The following CNTLN variants were observed in gnomAD, a reference collection of about 807,000 sequenced individuals.
CNTLN encodes centlein.
In CNTLN, 212 loss-of-function variants were observed where a neutral mutation model predicts 180.0. The observed-to-expected ratio is 1.18, with a 90% CI of 1.05 to 1.32. CNTLN has a LOEUF of 1.32. Ranked by LOEUF, CNTLN falls within the 40% of genes most tolerant of loss-of-function variation. CNTLN has a pLI of 0.00. For synonymous variants in CNTLN, 722 were observed against 563.1 expected (o/e 1.28, Z -3.99); for missense variants, 2,095 against 1,610.9 (o/e 1.30, Z -5.14).
At chr9:17,402,183 G>C (rs1827032586) in intron 15 of CNTLN, among the ~76,000 whole-genome samples, 1 of 151,810 alleles carries the variant, frequency 6.6e-6, no homozygotes, top group South Asian at 2.1e-4. Flanking sequence ...ACTGGGAAGA[G>C]GCTGCAGCAG....
At chr9:17,356,495 CT>C (rs1343658359) in intron 12 of CNTLN, among the ~76,000 whole-genome samples, 3 of 152,160 alleles carry the variant, frequency 2.0e-5, no homozygotes, top group African/African-American at 7.2e-5. Flanking sequence ...TATAGATAGG[CT>C]TTGAGCAGTG....
At chr9:17,235,317 A>T (rs1249957957) in intron 3 of CNTLN, among the ~76,000 whole-genome samples, 1 of 152,166 alleles carries the variant, frequency 6.6e-6, no homozygotes, top group Non-Finnish European at 1.5e-5. Context: ...AAGAATAAGG[A>T]ATTATGTTAG....
chr9:17,384,950 C>G (rs1245420401), intron 13 of CNTLN, among the ~76,000 whole-genome samples: 1 of 152,220 alleles, frequency 6.6e-6, no homozygotes, highest in Non-Finnish European at 1.5e-5. Context: ...TCCCACAGGA[C>G]TGCCTCCATT....
At chr9:17,259,313 C>G (rs1391687489) in intron 5 of CNTLN, among the ~76,000 whole-genome samples, 1 of 140,576 alleles carries the variant, frequency 7.1e-6, no homozygotes, top group Admixed American at 7.0e-5. Flanking sequence ...CCTTGCATCC[C>G]AGGGATGAAG....
At chr9:17,251,054 C>A (rs899101261) in intron 5 of CNTLN, among the ~76,000 whole-genome samples, 1 of 151,764 alleles carries the variant, frequency 6.6e-6, no homozygotes, top group African/African-American at 2.4e-5. Flanking sequence ...TTCCTTATTA[C>A]GTTAAATATG....
intron 13 of CNTLN, among the ~76,000 whole-genome samples, chr9:17,380,957 C>T (rs1825198427): frequency 6.6e-6 from 1 of 152,192 alleles, no homozygotes. Context: ...TGAAGAGCTT[C>T]TTTTGCCTAT....
chr9:17,302,111 C>T, intron 7 of CNTLN: 4 of 756,022 alleles, frequency 5.3e-6, no homozygotes, highest in Non-Finnish European at 4.6e-6. Context: ...CACACACACA[C>T]ACACACACAG....
At chr9:17,274,206 A>G (rs1448690608) in intron 6 of CNTLN, among the ~76,000 whole-genome samples, 1 of 152,122 alleles carries the variant, frequency 6.6e-6, no homozygotes, top group African/African-American at 2.4e-5. Flanking sequence ...TAACTGAGAA[A>G]CAAATTTTGA....
chr9:17,209,996 A>G (rs1823179635), intron 2 of CNTLN, among the ~76,000 whole-genome samples: 1 of 152,202 alleles, frequency 6.6e-6, no homozygotes, highest in Non-Finnish European at 1.5e-5. Flanking sequence ...GAAAATTTGT[A>G]CATCTTTCAT....
At chr9:17,442,914 T>A (rs1830191287) in intron 18 of CNTLN, among the ~76,000 whole-genome samples, 1 of 152,202 alleles carries the variant, frequency 6.6e-6, no homozygotes. Flanking sequence ...GGTAAAAATT[T>A]TCTGATAAAA....
rs751605497 is a variant in CNTLN at position 17,416,034 on chromosome 9, C to G, written c.2959C>G (p.Arg987Gly). 3.6e-5 allele frequency: 58 copies of G among 1,613,170 alleles called. No homozygotes were observed. Among genetic ancestry groups the G allele is most frequent in the Non-Finnish European group, 4.8e-5 (57 of 1,179,618 alleles). ...TAGCAATATTATTTTATTACGAGAA[C>G]GGATTATATCCTTGCAACAACAAAA... ...SSSNIILLRE[R>G]IISLQQQNSV... Residue 987 changes from arginine (R) to glycine (G), a missense_variant, in exon 18 of 26, where the codon CGG (arginine) becomes GGG (glycine). Coordinates refer to ENST00000380647, the MANE Select transcript of CNTLN (RefSeq NM_017738.4).
At chr9:17,495,127 G>A in intron 25 of CNTLN, 1 of 342,810 alleles carries the variant, frequency 2.9e-6, no homozygotes, top group Non-Finnish European at 5.7e-6. Flanking sequence ...TGATCTGCCT[G>A]CCTCAGCCTC....
Position 17,330,619 on chromosome 9 carries a change from C to CT in CNTLN, c.1342-8dup, listed in dbSNP as rs201955741. 1.5e-3 allele frequency: 2,225 copies of CT among 1,471,102 alleles called. 32 individuals carry two copies. In the African/African-American group the frequency reaches 0.027, roughly 18 times the overall value. The allele number at this position is 1,471,102 out of a possible 1,614,324, so 91.1% of individuals were successfully genotyped here. On this transcript the variant is annotated splice_polypyrimidine_tract_variant and intron_variant, in intron 8 of 25. Transcript: ENST00000380647. ...ACATAGATATCTATTTACAATTATA[C>CT]TTTTTAAAATAGGTACCTCATCGCC...
intron 11 of CNTLN, among the ~76,000 whole-genome samples, chr9:17,341,991 G>T (rs563221107): frequency 9.1e-4 from 138 of 152,170 alleles, no homozygotes; most frequent in Middle Eastern, 3.4e-3. Context: ...CAGATGAGTT[G>T]GTTGCATATA....
intron 8 of CNTLN, 86 bp downstream of exon 8, chr9:17,309,338 T>C (rs10756860): frequency 0.58 from 638,615 of 1,103,340 alleles, 190,477 homozygotes; most frequent in Non-Finnish European, 0.62. Flanking sequence ...AAAATTTAAA[T>C]ATATTTGCAT....
chr9:17,375,469 T>A (rs1265821697), intron 13 of CNTLN, among the ~76,000 whole-genome samples: 4 of 152,210 alleles, frequency 2.6e-5, no homozygotes, highest in Non-Finnish European at 4.4e-5. Flanking sequence ...TATTATGCAT[T>A]GCCTGTGTAT....
the CNTLN span, among the ~76,000 whole-genome samples, chr9:17,512,698 C>T: frequency 6.6e-6 from 1 of 152,226 alleles, no homozygotes; most frequent in Non-Finnish European, 1.5e-5. Flanking sequence ...TGTATTTTCA[C>T]AGCATATTCA....
At chr9:17,421,181 T>C (rs1051517052) in intron 18 of CNTLN, among the ~76,000 whole-genome samples, 1 of 152,168 alleles carries the variant, frequency 6.6e-6, no homozygotes, top group Non-Finnish European at 1.5e-5. Flanking sequence ...GCTATTATTG[T>C]ATTGTCATAT....
intron 2 of CNTLN, among the ~76,000 whole-genome samples, chr9:17,149,940 C>A (rs2131498243): frequency 6.6e-6 from 1 of 152,288 alleles, no homozygotes. Flanking sequence ...CTGTTGGCTG[C>A]ATAAATGTTT....
Sources: gnomAD v4.1 joint callset for allele counts (sites outside exome capture counted in the v4.1 genomes callset) on GRCh38, gnomAD v4.1.1 for gene constraint, MANE v1.5 for transcripts, NCBI Gene and HGNC (gene_info 2026-07-23, HGNC 2026-07-21) for gene names.